Variants in ZNF823 observed in about 807,000 individuals in gnomAD.
ZNF823 encodes the protein zinc finger protein 823.
ZNF823 carries 5 observed loss-of-function variants against 11.4 expected under a neutral mutation model. That is an observed-to-expected ratio of 0.44 (90% CI 0.23 to 0.92). The LOEUF (loss-of-function observed/expected upper bound fraction) is 0.92, where lower values mean the gene tolerates loss of function less well. Among genes scored for constraint, ZNF823 ranks in the 40% least tolerant of loss-of-function variants. ZNF823 has a pLI of 0.24. For missense variants in ZNF823, 582 were observed against 738.5 expected (o/e 0.79, Z 2.46); for synonymous variants, 234 against 250.5 (o/e 0.93, Z 0.62).
chr19:11,737,519 C>G (rs1393433549), intron 1 of ZNF823, among the ~76,000 whole-genome samples: 2 of 151,456 alleles, frequency 1.3e-5, no homozygotes, highest in African/African-American at 4.9e-5. Flanking sequence ...GCCTTAGCCT[C>G]CCAAAGTGCT....
At chr19:11,727,951 G>GAT (rs67577787) in intron 1 of ZNF823, among the ~76,000 whole-genome samples, 2 of 150,228 alleles carry the variant, frequency 1.3e-5, no homozygotes, top group Non-Finnish European at 3.0e-5. Context: ...TCAGTGTCTC[G>GAT]CTGCAAGCTC....
chr19:11,728,060 G>C (rs1248931089), intron 1 of ZNF823, among the ~76,000 whole-genome samples: 1 of 152,040 alleles, frequency 6.6e-6, no homozygotes, highest in South Asian at 2.1e-4. Flanking sequence ...TGTATTTTTA[G>C]TAGAGACGGG....
At chr19:11,724,369 C>T in intron 2 of ZNF823, 115 bp from the exon 3 acceptor site, 1 of 874,714 alleles carries the variant, frequency 1.1e-6, no homozygotes, top group Non-Finnish European at 1.7e-6. Context: ...ACATGTGACT[C>T]TTCAACAACA....
chr19:11,724,354 A>G, intron 2 of ZNF823, 100 bp from the exon 3 acceptor site: 1 of 1,047,330 alleles, frequency 9.5e-7, no homozygotes, highest in Non-Finnish European at 1.4e-6. Context: ...TTCATTCACC[A>G]AAGTACATGT....
intron 2 of ZNF823, among the ~76,000 whole-genome samples, chr19:11,724,555 CTTT>C (rs751508496): frequency 2.4e-5 from 3 of 126,086 alleles, no homozygotes; most frequent in Non-Finnish European, 3.3e-5. Context: ...AGTTTCTCAT[CTTT>C]TTTTTTTTTT....
In ZNF823 at chr19:11,738,120, G is replaced by A. The variant is rs117971169; in HGVS notation, c.3+697C>T. Among the ~76,000 whole-genome samples, 292 of 152,288 alleles carry A rather than the reference G, an allele frequency of 1.9e-3. 6 individuals carry two copies. The East Asian group carries it at 0.04, about 21-fold the overall frequency. On this transcript the variant is annotated intron_variant, in intron 1 of 3. Transcript: ENST00000341191. Reference sequence around the variant, plus strand: ...GCCCTCAGCCCCGCTGCCTCACGGGGCCGCCTCCCTGAGAGTCAGGTCACA... The same window carrying A: ...GCCCTCAGCCCCGCTGCCTCACGGGACCGCCTCCCTGAGAGTCAGGTCACA...
chr19:11,726,619 G>A (rs935994404), intron 1 of ZNF823, among the ~76,000 whole-genome samples: 2 of 152,182 alleles, frequency 1.3e-5, no homozygotes, highest in African/African-American at 2.4e-5. Flanking sequence ...CTGGCCATGC[G>A]ATACCCTGTG....
rs1406599152 is a variant in ZNF823 at position 11,722,000 on chromosome 19, T to C, written c.1534A>G (p.Ser512Gly). The C allele has an allele frequency of 1.2e-6, 2 of 1,614,166 alleles. No individual in the cohort carries two copies. Among genetic ancestry groups the C allele is most frequent in the East Asian group, 4.5e-5 (2 of 44,874 alleles). The change falls in exon 4 of 4, where the codon AGT becomes GGT. Residue 512 changes from serine (S) to glycine (G), a missense_variant. By Grantham distance (56) the Ser-to-Gly change is moderately conservative. Transcript: ENST00000341191. ...KTCRKAFSHFSNLKVHERIHS... is the reference protein window; with the variant it reads ...KTCRKAFSHFGNLKVHERIHS... The stretch of plus-strand genomic sequence containing the variant: ...ATCCTTTCATGGACTTTTAAGTTAC[T>C]GAAATGACTGAAGGCTTTTCTACAT...
chr19:11,721,733 G>A lies in ZNF823; in HGVS notation c.1801C>T (p.His601Tyr). 1.2e-6 allele frequency: 2 copies of A among 1,613,312 alleles called. No homozygotes were observed. Among genetic ancestry groups the A allele is most frequent in the Non-Finnish European group, 1.7e-6 (2 of 1,179,538 alleles). Residue 601 changes from histidine (H) to tyrosine (Y), a missense_variant, in exon 4 of 4, where the codon CAT becomes TAT. Around this residue, in one of 3 missense-constraint regions of ZNF823, gnomAD observed 144 missense variants for 154.3 expected, o/e 0.93. Coordinates refer to ENST00000341191, the MANE Select transcript of ZNF823 (RefSeq NM_001080493.4). ...GTATCTTTCCAGTGAGTCCTTTTAT[G>A]TCTATGCAAGGAACGGAGAGAACTC... ...ALSSLRSLHR[H>Y]KRTHWKDTL
In ZNF823 at chr19:11,723,076, G is replaced by C. The variant is rs117644723; in HGVS notation, c.458C>G (p.Thr153Arg). 16,179 of 1,614,104 alleles carry C rather than the reference G, an allele frequency of 0.01. 100 individuals carry two copies. Among genetic ancestry groups the C allele is most frequent in the South Asian group, 0.019 (1,774 of 91,080 alleles). The change falls in exon 4 of 4, where the codon ACA (threonine) becomes AGA (arginine). Residue 153 changes from threonine (T) to arginine (R), a missense_variant. Around this residue, in one of 3 missense-constraint regions of ZNF823, gnomAD observed 429 missense variants for 553.7 expected, o/e 0.77. Transcript: ENST00000341191. Reference sequence around the variant, plus strand: ...CTTTCCGGTGGGGGGCCTTTCATGTGTCTGGAAGGAGTGCTGATGACTGAT... The same window carrying C: ...CTTTCCGGTGGGGGGCCTTTCATGTCTCTGGAAGGAGTGCTGATGACTGAT... ...KAISHQHSFQ[T>R]HERPPTGKKP...
chr19:11,737,272 C>A (rs555597735), intron 1 of ZNF823, among the ~76,000 whole-genome samples: 2 of 151,024 alleles, frequency 1.3e-5, no homozygotes, highest in Admixed American at 1.3e-4. Context: ...TTTTCTTTTT[C>A]TTTTTTCTGA....
chr19:11,738,246 C>T (rs530059577), intron 1 of ZNF823, among the ~76,000 whole-genome samples: 73 of 152,298 alleles, frequency 4.8e-4, no homozygotes, highest in Admixed American at 4.1e-3. Flanking sequence ...TGAATTGCAG[C>T]GGAAAGGCTG....
At chr19:11,724,351 A>C (rs979554819) in intron 2 of ZNF823, 97 bp from the exon 3 acceptor site, 28 of 1,076,832 alleles carry the variant, frequency 2.6e-5, no homozygotes, top group Non-Finnish European at 3.7e-5. Context: ...TGATTCATTC[A>C]CCAAAGTACA....
chr19:11,733,095 GCAGCCGCTCA>G (rs947758596), intron 1 of ZNF823, among the ~76,000 whole-genome samples: 2 of 152,178 alleles, frequency 1.3e-5, no homozygotes, highest in Admixed American at 1.3e-4. Context: ...CAAGGCGGGT[GCAGCCGCTCA>G]CGCCTGTAAT....
chr19:11,722,707 T>C lies in ZNF823; in HGVS notation c.827A>G (p.Tyr276Cys), dbSNP rs1267325208. 6.2e-7 allele frequency: 1 copy of C among 1,614,248 alleles called. No individual in the cohort carries two copies. Among genetic ancestry groups the C allele is most frequent in the South Asian group, 1.1e-5 (1 of 91,090 alleles). ...GGCTTTCCCACATTGTGTACATTTA[T>C]AGGGTTTCTCTCCGGTGTGAGTTCT... ...HERTHTGEKP[Y>C]KCTQCGKAFS... The change falls in exon 4 of 4, where the codon TAT becomes TGT. Residue 276 changes from tyrosine to cysteine, a missense_variant. Around this residue, in one of 3 missense-constraint regions of ZNF823, gnomAD observed 429 missense variants for 553.7 expected, o/e 0.77. Transcript: ENST00000341191. The surrounding 1 kb of genome is among the most constrained non-coding windows in gnomAD (Gnocchi z 5.2).
At chr19:11,736,395 T>C (rs1251204302) in intron 1 of ZNF823, among the ~76,000 whole-genome samples, 1 of 152,186 alleles carries the variant, frequency 6.6e-6, no homozygotes, top group Admixed American at 6.5e-5. Context: ...AGCATACGTC[T>C]GTAATCCTAG....
intron 1 of ZNF823, 109 bp from the exon 2 acceptor site, chr19:11,725,436 G>A (rs114075178): frequency 6.6e-5 from 98 of 1,479,660 alleles, no homozygotes; most frequent in African/African-American, 5.7e-4. Context: ...GCATTTATTC[G>A]ATGACATAGT....
intron 1 of ZNF823, among the ~76,000 whole-genome samples, chr19:11,735,365 T>C (rs2145051357): frequency 6.6e-6 from 1 of 152,140 alleles, no homozygotes; most frequent in East Asian, 1.9e-4. Flanking sequence ...GTTTTCTCCT[T>C]TTGCAATATG....
intron 1 of ZNF823, among the ~76,000 whole-genome samples, chr19:11,729,784 G>A (rs1344129182): frequency 1.3e-5 from 2 of 152,112 alleles, no homozygotes; most frequent in East Asian, 1.9e-4. Context: ...CCTCTAAGAC[G>A]GAAACTTGGT....
Sources: allele counts gnomAD v4.1 joint callset (sites outside exome capture counted in the v4.1 genomes callset), GRCh38; gene constraint gnomAD v4.1.1; regional missense constraint gnomAD v4.1.1; non-coding constraint Gnocchi (gnomAD v3.1); transcripts MANE v1.5; gene names NCBI Gene and HGNC (gene_info 2026-07-23, HGNC 2026-07-21).